Variants in CCDC146 observed in about 807,000 individuals in gnomAD.
The protein encoded by CCDC146 is coiled-coil domain-containing protein 146.
A neutral mutation model predicts 119.3 loss-of-function variants in CCDC146; 92 were observed. The ratio of observed to expected loss-of-function variants is 0.77; its 90% CI spans 0.65 to 0.92. CCDC146 has a LOEUF of 0.92. Among genes scored for constraint, CCDC146 ranks in the 40% least tolerant of loss-of-function variants. The pLI, the probability that CCDC146 is intolerant of heterozygous loss-of-function variation, is 0.00. For synonymous variants in CCDC146, 372 were observed against 371.8 expected, an observed-to-expected ratio of 1.00 and a Z score of -0.01; for missense variants, 1,000 against 1,103.0, an observed-to-expected ratio of 0.91 and a Z score of 1.32.
intron 10 of CCDC146, 128 bp downstream of exon 10, chr7:77,273,917 G>T: frequency 2.0e-6 from 1 of 506,450 alleles, no homozygotes. Flanking sequence ...GCTTCATGTG[G>T]GCATATTTCT....
intron 1 of CCDC146, among the ~76,000 whole-genome samples, chr7:77,128,783 T>G (rs866200809): frequency 6.6e-6 from 1 of 152,122 alleles, no homozygotes; most frequent in Non-Finnish European, 1.5e-5. Flanking sequence ...AGAGAGTGTG[T>G]GGGGGAATCC....
At position 77,256,501 on chromosome 7, in the gene CCDC146, G is replaced by T. The variant is rs368986405; in HGVS notation, c.676G>T (p.Val226Phe). Residue 226 changes from valine to phenylalanine, a missense_variant, in exon 6 of 19, where the codon GTC becomes TTC. Val to Phe is a conservative substitution (Grantham distance 50). Coordinates refer to ENST00000285871, the MANE Select transcript of CCDC146 (RefSeq NM_020879.3). ...ELEELLGHQV[V>F]LKDEVAHHQT... ...AGAAGAATTGTTGGGACATCAGGTCGTCCTAAAGGTGTGCTACTTACCGTT... is the reference window on the plus strand; with the variant it reads ...AGAAGAATTGTTGGGACATCAGGTCTTCCTAAAGGTGTGCTACTTACCGTT... 1 of 1,600,848 alleles carries T rather than the reference G, an allele frequency of 6.2e-7. No individual in the cohort carries two copies. Among genetic ancestry groups the T allele is most frequent in the South Asian group, 1.1e-5 (1 of 87,744 alleles).
At chr7:77,163,246 A>G (rs1791289444) in intron 1 of CCDC146, among the ~76,000 whole-genome samples, 1 of 152,196 alleles carries the variant, frequency 6.6e-6, no homozygotes, top group Non-Finnish European at 1.5e-5. Flanking sequence ...TCAGGAGTTC[A>G]AGACCAGCAT....
At chr7:77,208,021 G>C (rs1231216016) in intron 2 of CCDC146, among the ~76,000 whole-genome samples, 1 of 152,174 alleles carries the variant, frequency 6.6e-6, no homozygotes, top group East Asian at 1.9e-4. Flanking sequence ...ACACATCCTT[G>C]ACTTTGTGGT....
intron 1 of CCDC146, among the ~76,000 whole-genome samples, chr7:77,127,228 C>T (rs1416332295): frequency 2.0e-5 from 3 of 152,144 alleles, no homozygotes; most frequent in African/African-American, 7.3e-5. Flanking sequence ...TTGTGGGAGG[C>T]CCAGGTCAGC....
chr7:77,262,656 C>T (rs1461057802), intron 9 of CCDC146, among the ~76,000 whole-genome samples: 1 of 152,128 alleles, frequency 6.6e-6, no homozygotes, highest in Admixed American at 6.5e-5. Flanking sequence ...TCAGATCCGG[C>T]ATGGTGTCAT....
intron 1 of CCDC146, among the ~76,000 whole-genome samples, chr7:77,144,160 T>C (rs1790979334): frequency 6.6e-6 from 1 of 151,686 alleles, no homozygotes; most frequent in Non-Finnish European, 1.5e-5. Context: ...TCCTAGGTAT[T>C]TTATTCTCTT....
chr7:77,286,833 G>A lies in CCDC146; in HGVS notation c.2184G>A (p.Glu728=), dbSNP rs1793857271. Reference sequence around the variant, plus strand: ...GTACAGACAGAATTAAAGACCTGGAGAAACAGTTCGTAAAGCCTGATGGTG... The same window carrying A: ...GTACAGACAGAATTAAAGACCTGGAAAAACAGTTCGTAAAGCCTGATGGTG... ...SQCTDRIKDL[E]KQFVKPDGEN... is the part of the protein sequence containing the mutation. Residue 728 remains glutamate, a synonymous_variant, in exon 16 of 19, where the codon GAG becomes GAA. Coordinates refer to ENST00000285871, the MANE Select transcript of CCDC146 (RefSeq NM_020879.3). 1.2e-6 allele frequency: 2 copies of A among 1,613,904 alleles called. No homozygotes were observed. The highest frequency in any genetic ancestry group is 1.7e-6 in the Non-Finnish European group (2 of 1,179,762).
At chr7:77,273,634 C>T in intron 9 of CCDC146, 60 bp from the exon 10 acceptor site, 1 of 1,310,650 alleles carries the variant, frequency 7.6e-7, no homozygotes, top group East Asian at 2.4e-5. Flanking sequence ...AATTCTCTGC[C>T]TCAGCCTCCC....
intron 1 of CCDC146, among the ~76,000 whole-genome samples, chr7:77,124,237 A>T (rs1309520932): frequency 6.6e-6 from 1 of 152,210 alleles, no homozygotes; most frequent in African/African-American, 2.4e-5. Flanking sequence ...AATAGAATTG[A>T]CTGAAAATTT....
At position 77,279,011 on chromosome 7, in the gene CCDC146, C is replaced by G. The variant is rs1439289512; in HGVS notation, c.1604C>G (p.Ala535Gly). 6.2e-7 allele frequency: 1 copy of G among 1,612,280 alleles called. No individual in the cohort carries two copies. Among genetic ancestry groups the G allele is most frequent in the African/African-American group, 1.3e-5 (1 of 74,834 alleles). Residue 535 changes from alanine (A) to glycine (G), a missense_variant, in exon 13 of 19, where the codon GCT becomes GGT. Around this residue, in one of 2 missense-constraint regions of CCDC146, gnomAD observed 985 missense variants for 1,045.3 expected, o/e 0.94. Transcript: ENST00000285871. ...AAATTTGTTAACTTACTCCACAAAG[C>G]TCATCAGAAAGTAAATGAAATAAAA... The part of the protein sequence containing the change: ...RNKFVNLLHK[A>G]HQKVNEIKER...
At chr7:77,239,824 C>T (rs1792810627) in intron 3 of CCDC146, among the ~76,000 whole-genome samples, 1 of 152,164 alleles carries the variant, frequency 6.6e-6, no homozygotes, top group African/African-American at 2.4e-5. Context: ...GGAGATTCCG[C>T]CATGTCCTTT....
At chr7:77,271,531 T>G (rs1461632545) in intron 9 of CCDC146, among the ~76,000 whole-genome samples, 9 of 6,170 alleles carry the variant, frequency 1.5e-3, no homozygotes, top group African/African-American at 2.8e-3. Context: ...TATATATATA[T>G]ATATATATAT....
chr7:77,190,883 G>A (rs1791750429), intron 2 of CCDC146, among the ~76,000 whole-genome samples: 1 of 152,106 alleles, frequency 6.6e-6, no homozygotes, highest in African/African-American at 2.4e-5. Flanking sequence ...AAAAATTAAA[G>A]GATTCATGGA....
At chr7:77,146,208 T>C (rs1791016558) in intron 1 of CCDC146, among the ~76,000 whole-genome samples, 1 of 152,056 alleles carries the variant, frequency 6.6e-6, no homozygotes, top group Non-Finnish European at 1.5e-5. Flanking sequence ...TGGTTTAAAG[T>C]CTGTTTTATC....
chr7:77,176,659 A>G (rs1791504942), intron 2 of CCDC146, among the ~76,000 whole-genome samples: 1 of 152,208 alleles, frequency 6.6e-6, no homozygotes, highest in South Asian at 2.1e-4. Flanking sequence ...ATACCTATGT[A>G]TATTTAACAA....
chr7:77,170,909 A>G (rs1394867563), intron 2 of CCDC146, among the ~76,000 whole-genome samples: 3 of 152,188 alleles, frequency 2.0e-5, no homozygotes, highest in African/African-American at 7.2e-5. Context: ...TAAAAAGTCA[A>G]AAACAATGGA....
intron 1 of CCDC146, among the ~76,000 whole-genome samples, chr7:77,137,903 A>G (rs3095448): frequency 0.17 from 24,292 of 141,990 alleles, 2,140 homozygotes; most frequent in African/African-American, 0.19. Flanking sequence ...AGCTGTAACA[A>G]AAGTGCAATA....
At chr7:77,279,250 TGAGA>T in intron 13 of CCDC146, 149 bp downstream of exon 13, 1 of 279,516 alleles carries the variant, frequency 3.6e-6, no homozygotes, top group Non-Finnish European at 6.0e-6. Flanking sequence ...GGTGACAGAA[TGAGA>T]CCCTGTCTCA....
Sources: gnomAD v4.1 joint callset for allele counts (sites outside exome capture counted in the v4.1 genomes callset) on GRCh38, gnomAD v4.1.1 for gene constraint, gnomAD v4.1.1 regional missense constraint, MANE v1.5 for transcripts, NCBI Gene and HGNC (gene_info 2026-07-23, HGNC 2026-07-21) for gene names.